Variants in MYH15 observed in about 807,000 individuals in gnomAD.
MYH15 encodes the protein myosin-15.
Under a neutral mutation model 240.5 loss-of-function variants are expected in MYH15, and 227 were observed. The ratio of observed to expected loss-of-function variants is 0.94; its 90% confidence interval spans 0.85 to 1.05. The LOEUF (loss-of-function observed/expected upper bound fraction) is 1.05, where lower values mean the gene tolerates loss of function less well. Among genes scored for constraint, MYH15 ranks in the 50% least tolerant of loss-of-function variants. MYH15 has a pLI of 0.00. For missense variants in MYH15, 2,217 were observed against 2,247.5 expected (o/e 0.99, Z 0.27); for synonymous variants, 785 against 796.7 (o/e 0.99, Z 0.25).
chr3:108,535,300 CT>C, the MYH15 span, among the ~76,000 whole-genome samples: 4,307 of 152,170 alleles, frequency 0.028, 227 homozygotes, highest in African/African-American at 0.098. Flanking sequence ...GCTTTGGATG[CT>C]GAGAAGTCAA....
intron 27 of MYH15, among the ~76,000 whole-genome samples, chr3:108,422,496 G>A (rs374311498): frequency 6.6e-6 from 1 of 152,122 alleles, no homozygotes; most frequent in African/African-American, 2.4e-5. Flanking sequence ...GATTATAGGC[G>A]ATCTTTGAAT....
At chr3:108,490,974 G>A (rs1390602972) in intron 9 of MYH15, among the ~76,000 whole-genome samples, 2 of 151,268 alleles carry the variant, frequency 1.3e-5, no homozygotes, top group African/African-American at 2.4e-5. Context: ...TGCAACCTCC[G>A]CCTCCTGGGT....
At chr3:108,454,700 T>C (rs1304087468) in intron 20 of MYH15, among the ~76,000 whole-genome samples, 1 of 152,186 alleles carries the variant, frequency 6.6e-6, no homozygotes, top group Non-Finnish European at 1.5e-5. Context: ...CACTTTTGTC[T>C]AGGCATCAAA....
chr3:108,381,689 G>T, intron 40 of MYH15, 130 bp from the exon 41 acceptor site: 1 of 991,868 alleles, frequency 1.0e-6, no homozygotes, highest in Non-Finnish European at 1.6e-6. Context: ...TAACTTCAAA[G>T]GGAGGCAGGG....
At chr3:108,538,801 AT>A in the MYH15 span, among the ~76,000 whole-genome samples, 1 of 152,148 alleles carries the variant, frequency 6.6e-6, no homozygotes, top group African/African-American at 2.4e-5. Context: ...GGACTGGGTA[AT>A]TTATAAAGAA....
intron 3 of MYH15, 151 bp downstream of exon 3, chr3:108,501,561 G>A: frequency 1.1e-6 from 1 of 931,170 alleles, no homozygotes; most frequent in Non-Finnish European, 1.6e-6. Context: ...TTGGGGAAAT[G>A]CTAAGATAAG....
At chr3:108,395,085 G>A (rs1183503983) in intron 35 of MYH15, among the ~76,000 whole-genome samples, 1 of 152,028 alleles carries the variant, frequency 6.6e-6, no homozygotes, top group Non-Finnish European at 1.5e-5. Context: ...GGGCAACATG[G>A]TGAAACCCCG....
At chr3:108,427,931 C>T (rs773204413) in intron 27 of MYH15, among the ~76,000 whole-genome samples, 4 of 152,080 alleles carry the variant, frequency 2.6e-5, no homozygotes, top group Non-Finnish European at 4.4e-5. Flanking sequence ...TCGCTGATTT[C>T]GATGATCTCA....
At chr3:108,456,686 A>G (rs2083022578) in intron 19 of MYH15, 80 bp downstream of exon 19, 4 of 1,013,890 alleles carry the variant, frequency 3.9e-6, no homozygotes, top group African/African-American at 1.6e-5. Context: ...CAAACAAACA[A>G]TGCATGCCTA....
chr3:108,430,977 A>C, intron 25 of MYH15, 55 bp from the exon 26 acceptor site: 1 of 1,235,752 alleles, frequency 8.1e-7, no homozygotes. Context: ...ATTTTGTTTA[A>C]AGTAGTTAGA....
Position 108,476,481 on chromosome 3 carries a change from G to A in MYH15, c.1149C>T (p.Asn383=), listed in dbSNP as rs372516002. ...TCAAGCACTTTACCAACTCAGAGGA[G>A]TTAATGCCCATGAGGAAAGCAGCTT... ...ADKAAFLMGI[N]SSELVKCLIH... Residue 383 remains asparagine, a synonymous_variant, in exon 12 of 41, where the codon AAC becomes AAT. Coordinates refer to ENST00000693548, the MANE Select transcript of MYH15 (RefSeq NM_014981.3). 9.5e-5 allele frequency: 153 copies of A among 1,613,014 alleles called. No homozygotes were observed. The highest frequency in any genetic ancestry group is 1.2e-4 in the Non-Finnish European group (142 of 1,179,344).
chr3:108,392,054 TC>T, intron 36 of MYH15, 124 bp from the exon 37 acceptor site: 1 of 1,057,184 alleles, frequency 9.5e-7, no homozygotes, highest in Non-Finnish European at 1.4e-6. Flanking sequence ...TGTGATCTCT[TC>T]CCATTATAAT....
At chr3:108,397,142 T>C (rs2082468035) in intron 35 of MYH15, among the ~76,000 whole-genome samples, 1 of 152,324 alleles carries the variant, frequency 6.6e-6, no homozygotes, top group South Asian at 2.1e-4. Flanking sequence ...ATAACTTCAC[T>C]CTTAGCTACT....
intron 6 of MYH15, 68 bp from the exon 7 acceptor site, chr3:108,495,940 T>G: frequency 8.2e-7 from 1 of 1,222,562 alleles, no homozygotes; most frequent in Non-Finnish European, 1.2e-6. Flanking sequence ...CGGCAAGCCC[T>G]CCATCTCCAG....
chr3:108,399,875 ATTCC>A (rs1407132777), intron 33 of MYH15, among the ~76,000 whole-genome samples: 1 of 152,234 alleles, frequency 6.6e-6, no homozygotes, highest in Non-Finnish European at 1.5e-5. Flanking sequence ...AACACTTTAA[ATTCC>A]TTCCTAAGAA....
Position 108,388,969 on chromosome 3 carries a change from C to T in MYH15, c.5535+1G>A. 6.2e-7 allele frequency: 1 copy of T among 1,612,758 alleles called. No homozygotes were observed. Among genetic ancestry groups the T allele is most frequent in the Non-Finnish European group, 8.5e-7 (1 of 1,179,302 alleles). On this transcript the variant is annotated splice_donor_variant, in intron 38 of 40. Transcript: ENST00000693548. LOFTEE classifies it high-confidence loss of function. ...AAACAGGGAATGGTTTCCTGGAGTA[C>T]CTGATAGGTCAGCTCTTTGATGCAT...
At chr3:108,499,989 C>T (rs774900630) in intron 4 of MYH15, 129 bp downstream of exon 4, 91 of 1,080,670 alleles carry the variant, frequency 8.4e-5, no homozygotes, top group Non-Finnish European at 1.1e-4. Flanking sequence ...CAGAAGGAAA[C>T]AGAGGCTTCA....
chr3:108,401,275 C>G (rs1200468945), intron 33 of MYH15, among the ~76,000 whole-genome samples: 1 of 152,074 alleles, frequency 6.6e-6, no homozygotes, highest in Non-Finnish European at 1.5e-5. Context: ...GGATGGGGCC[C>G]TAATCCAATG....
chr3:108,443,873 T>G (rs2082905167), intron 22 of MYH15, among the ~76,000 whole-genome samples: 1 of 151,258 alleles, frequency 6.6e-6, no homozygotes, highest in Non-Finnish European at 1.5e-5. Context: ...ATTTTTTTTT[T>G]TTTAATGTTT....
Sources: allele counts gnomAD v4.1 joint callset (sites outside exome capture counted in the v4.1 genomes callset), GRCh38; gene constraint gnomAD v4.1.1; transcripts MANE v1.5; gene names NCBI Gene and HGNC (gene_info 2026-07-23, HGNC 2026-07-21).